ADAMTS19: variants seen among roughly 807,000 people sequenced by gnomAD.
The protein encoded by ADAMTS19 is ADAM metallopeptidase with thrombospondin type 1 motif 19.
ADAMTS19 carries 93 observed loss-of-function variants against 153.3 expected under a neutral mutation model. The observed-to-expected ratio is 0.61, with a 90% CI of 0.51 to 0.72. The LOEUF (loss-of-function observed/expected upper bound fraction) is 0.72. Ranked by LOEUF, ADAMTS19 falls within the 30% of genes least tolerant of loss-of-function variation. The pLI, the probability that ADAMTS19 is intolerant of heterozygous loss-of-function variation, is 0.00. For missense variants in ADAMTS19, 1,482 were observed against 1,552.1 expected (o/e 0.95, Z 0.76); for synonymous variants, 600 against 556.6 (o/e 1.08, Z -1.10).
chr5:129,594,591 C>T (rs1006078507), intron 7 of ADAMTS19, among the ~76,000 whole-genome samples: 8 of 151,952 alleles, frequency 5.3e-5, no homozygotes, highest in African/African-American at 1.9e-4. Flanking sequence ...TCTTTTCTTT[C>T]TTCCTGCCTT....
intron 8 of ADAMTS19, among the ~76,000 whole-genome samples, chr5:129,610,958 C>T (rs1751181372): frequency 1.3e-5 from 2 of 152,204 alleles, no homozygotes; most frequent in South Asian, 4.2e-4. Flanking sequence ...CCTGTTGTTC[C>T]CTGACTTTTT....
chr5:129,725,965 C>T (rs1015442751), intron 21 of ADAMTS19, among the ~76,000 whole-genome samples: 1 of 152,064 alleles, frequency 6.6e-6, no homozygotes, highest in Non-Finnish European at 1.5e-5. Context: ...GGCAATGGAA[C>T]AAATTTTGCT....
chr5:129,704,712 A>G (rs1756065971), intron 21 of ADAMTS19, among the ~76,000 whole-genome samples: 1 of 152,204 alleles, frequency 6.6e-6, no homozygotes. Context: ...ATCTAAACAA[A>G]TAGAATACTG....
At chr5:129,603,125 A>G (rs889731391) in intron 8 of ADAMTS19, among the ~76,000 whole-genome samples, 3 of 152,092 alleles carry the variant, frequency 2.0e-5, no homozygotes, top group African/African-American at 7.2e-5. Context: ...ACTTATCTGG[A>G]TACAAATCAG....
At chr5:129,678,074 A>T (rs1754629713) in intron 16 of ADAMTS19, among the ~76,000 whole-genome samples, 1 of 152,046 alleles carries the variant, frequency 6.6e-6, no homozygotes, top group African/African-American at 2.4e-5. Context: ...TGACCTCCCA[A>T]AGTGCTGGGA....
In ADAMTS19 at chr5:129,654,269, A is replaced by G. The variant is rs191169311; in HGVS notation, c.2177-37A>G. ...TTAAGATAAAAATATTTATGGGGTA[A>G]CTTTTTCTCATTTCTTTTTATCTAC... On this transcript the variant is annotated intron_variant, in intron 13 of 22. Transcript: ENST00000274487. The G allele has an allele frequency of 3.2e-6, 5 of 1,546,020 alleles. No individual in the cohort carries two copies. In the East Asian group the frequency reaches 1.1e-4, roughly 35 times the overall value.
chr5:129,503,584 G>A (rs1751174931), intron 2 of ADAMTS19, among the ~76,000 whole-genome samples: 1 of 152,050 alleles, frequency 6.6e-6, no homozygotes, highest in African/African-American at 2.4e-5. Flanking sequence ...CACGCCTGTG[G>A]TCCCAGTACT....
chr5:129,566,326 G>A (rs1041788998), intron 7 of ADAMTS19, among the ~76,000 whole-genome samples: 13 of 152,126 alleles, frequency 8.5e-5, no homozygotes, highest in Non-Finnish European at 1.3e-4. Flanking sequence ...AGATGCTAGT[G>A]TTGGTTTATT....
chr5:129,476,321 A>T (rs1750225404), intron 2 of ADAMTS19, among the ~76,000 whole-genome samples: 1 of 152,210 alleles, frequency 6.6e-6, no homozygotes, highest in African/African-American at 2.4e-5. Context: ...ACAAATAAGG[A>T]ATACAAAATA....
At chr5:129,533,681 G>A (rs1008596404) in intron 6 of ADAMTS19, among the ~76,000 whole-genome samples, 7 of 152,058 alleles carry the variant, frequency 4.6e-5, no homozygotes, top group Non-Finnish European at 8.8e-5. Flanking sequence ...TTTTAATTGT[G>A]ATGTTAGGGT....
At chr5:129,506,993 A>T (rs1386623715) in intron 2 of ADAMTS19, among the ~76,000 whole-genome samples, 1 of 152,058 alleles carries the variant, frequency 6.6e-6, no homozygotes, top group African/African-American at 2.4e-5. Flanking sequence ...CACAGCTAGC[A>T]GTAAGTTATG....
At chr5:129,513,473 G>GT (rs1224587520) in intron 3 of ADAMTS19, among the ~76,000 whole-genome samples, 1 of 151,692 alleles carries the variant, frequency 6.6e-6, no homozygotes, top group African/African-American at 2.4e-5. Context: ...TCCAGCTTGG[G>GT]TGACAGAGTG....
intron 17 of ADAMTS19, 21 bp from the exon 18 acceptor site, chr5:129,684,099 G>C (rs552897383): frequency 1.1e-5 from 18 of 1,603,346 alleles, no homozygotes; most frequent in Non-Finnish European, 1.5e-5. Flanking sequence ...CATCTGCCTT[G>C]ATCATTTTTG....
rs1189554481 is a variant in ADAMTS19 at position 129,719,581 on chromosome 5, ATTAC to A, written c.3312+15193_3312+15196del. 2.7e-5 allele frequency among the ~76,000 whole-genome samples: 4 copies of A among 148,714 alleles called. No individual in the cohort carries two copies. In the Admixed American group the frequency reaches 2.8e-4, roughly 10 times the overall value. Reference sequence around the variant, plus strand: ...TTTAGCCCCATGTTCAAAATCACGTATTACTTCAAATTATAACTTAATGGACAAA... The same window carrying A: ...TTTAGCCCCATGTTCAAAATCACGTATTCAAATTATAACTTAATGGACAAA... On this transcript the variant is annotated intron_variant, in intron 21 of 22. Transcript: ENST00000274487.
intron 2 of ADAMTS19, among the ~76,000 whole-genome samples, chr5:129,484,356 A>G (rs1437661098): frequency 2.0e-5 from 3 of 152,128 alleles, no homozygotes; most frequent in East Asian, 3.9e-4. Flanking sequence ...CTTCTCTCCA[A>G]CCAATTTTTT....
In ADAMTS19 at chr5:129,709,880, G is replaced by T. The variant is rs192217065; in HGVS notation, c.3312+5489G>T. Among the ~76,000 whole-genome samples the T allele has an allele frequency of 3.3e-5, 5 of 151,944 alleles. No homozygotes were observed. The East Asian group carries it at 9.7e-4, about 29-fold the overall frequency. Reference sequence around the variant, plus strand: ...ACTTTTTGTTATATTGGATTCTTAAGGTGTGTAAATTTGAAGCTCTCAGTA... The same window carrying T: ...ACTTTTTGTTATATTGGATTCTTAATGTGTGTAAATTTGAAGCTCTCAGTA... On this transcript the variant is annotated intron_variant, in intron 21 of 22. Transcript: ENST00000274487.
At chr5:129,734,155 A>AG (rs1757568792) in intron 21 of ADAMTS19, among the ~76,000 whole-genome samples, 4 of 151,562 alleles carry the variant, frequency 2.6e-5, no homozygotes, top group Admixed American at 6.6e-5. Flanking sequence ...GACATAGAGA[A>AG]AGAGAGAAAA....
chr5:129,603,337 G>A (rs1750750824), intron 8 of ADAMTS19, among the ~76,000 whole-genome samples: 1 of 152,120 alleles, frequency 6.6e-6, no homozygotes, highest in African/African-American at 2.4e-5. Flanking sequence ...TTTTTGTGAA[G>A]CATGTAGACA....
intron 2 of ADAMTS19, among the ~76,000 whole-genome samples, chr5:129,470,211 C>A (rs1235427945): frequency 1.3e-5 from 2 of 152,020 alleles, no homozygotes; most frequent in African/African-American, 2.4e-5. Flanking sequence ...TTTATAAGAG[C>A]CTGAAAATAT....
Sources: gnomAD v4.1 joint callset for allele counts (sites outside exome capture counted in the v4.1 genomes callset) on GRCh38, gnomAD v4.1.1 for gene constraint, MANE v1.5 for transcripts, NCBI Gene and HGNC (gene_info 2026-07-23, HGNC 2026-07-21) for gene names.